ATP13A3: variants seen among roughly 807,000 people sequenced by gnomAD.
ATP13A3 encodes the protein polyamine-transporting ATPase 13A3.
In ATP13A3, 59 loss-of-function variants were observed where a neutral mutation model predicts 158.1. The observed-to-expected ratio is 0.37, with a 90% CI of 0.30 to 0.46. The LOEUF (loss-of-function observed/expected upper bound fraction) is 0.46, where lower values mean the gene tolerates loss of function less well. ATP13A3 is among the 20% of genes least tolerant of loss of function. ATP13A3 has a pLI of 1.00. For synonymous variants in ATP13A3, 491 were observed against 504.3 expected, an observed-to-expected ratio of 0.97 and a Z score of 0.35; for missense variants, 1,166 against 1,525.2, an observed-to-expected ratio of 0.76 and a Z score of 3.92.
chr3:194,409,471 T>G (rs573209251), intron 33 of ATP13A3, among the ~76,000 whole-genome samples: 2 of 152,256 alleles, frequency 1.3e-5, no homozygotes, highest in African/African-American at 4.8e-5. Context: ...ACAGGTAGTA[T>G]GATTCTAGTT....
At chr3:194,432,006 G>A in intron 21 of ATP13A3, 114 bp from the exon 22 acceptor site, 5 of 804,330 alleles carry the variant, frequency 6.2e-6, no homozygotes, top group Non-Finnish European at 8.7e-6. Flanking sequence ...GCAGAGTAAC[G>A]ATAATGTATG....
intron 2 of ATP13A3, among the ~76,000 whole-genome samples, chr3:194,485,380 AAAT>A (rs1720926868): frequency 6.6e-6 from 1 of 152,226 alleles, no homozygotes; most frequent in Non-Finnish European, 1.5e-5. Flanking sequence ...CCTCTAGAGA[AAAT>A]AATGTCACAT....
At position 194,453,848 on chromosome 3, in the gene ATP13A3, T is replaced by TA. The variant is rs928713847; in HGVS notation, c.766-71dup. The TA allele has an allele frequency of 4.4e-5, 51 of 1,168,952 alleles. No individual in the cohort carries two copies. In the African/African-American group the frequency reaches 5.0e-4, roughly 11 times the overall value. 72.4% of individuals were successfully genotyped at this position (1,168,952 alleles called of 1,614,324 possible). ...CTCCTCAGGAAAAAAGCCAGAGTGCTAAAAAAATAAGTTAATTCAATAAAT... is the reference window on the plus strand; with the variant it reads ...CTCCTCAGGAAAAAAGCCAGAGTGCTAAAAAAAATAAGTTAATTCAATAAAT... On this transcript the variant is annotated intron_variant, in intron 9 of 33. Transcript: ENST00000645319.
chr3:194,459,908 A>C lies in ATP13A3; in HGVS notation c.289T>G (p.Ser97Ala). Residue 97 changes from serine to alanine, a missense_variant, in exon 5 of 34, where the codon TCA (serine) becomes GCA (alanine). Physicochemically the swap from Ser to Ala is moderately conservative, Grantham distance 99. Coordinates refer to ENST00000645319, the MANE Select transcript of ATP13A3 (RefSeq NM_001367549.1). ...RVLSLETYPV[S>A]SPKSMSNKLS... ...TTATTAGACATAGATTTTGGACTTGAAACTGGGTAAGTTTCCAAAGAAAGA... is the reference window on the plus strand; with the variant it reads ...TTATTAGACATAGATTTTGGACTTGCAACTGGGTAAGTTTCCAAAGAAAGA... 1 of 1,613,510 alleles carries C rather than the reference A, an allele frequency of 6.2e-7. No homozygotes were observed. The highest frequency in any genetic ancestry group is 8.5e-7 in the Non-Finnish European group (1 of 1,179,666).
At chr3:194,483,122 AT>A (rs1553809629) in intron 2 of ATP13A3, among the ~76,000 whole-genome samples, 5 of 149,826 alleles carry the variant, frequency 3.3e-5, no homozygotes, top group Middle Eastern at 3.4e-3. Flanking sequence ...AAAAAAAAAA[AT>A]TTTTTTTTAA....
chr3:194,453,638 G>T, intron 10 of ATP13A3, 68 bp downstream of exon 10: 1 of 1,242,842 alleles, frequency 8.0e-7, no homozygotes, highest in Non-Finnish European at 1.2e-6. Context: ...TATACTTTGG[G>T]CTTACTTCAC....
chr3:194,427,721 C>T (rs978421226), intron 28 of ATP13A3, among the ~76,000 whole-genome samples: 2 of 151,092 alleles, frequency 1.3e-5, no homozygotes, highest in African/African-American at 4.8e-5. Flanking sequence ...AATATAAACA[C>T]AATAACTATA....
intron 2 of ATP13A3, among the ~76,000 whole-genome samples, chr3:194,483,521 T>G (rs1977783): frequency 0.028 from 4,240 of 151,552 alleles, 127 homozygotes; most frequent in African/African-American, 0.076. Context: ...GCCCAGAAGG[T>G]CAAGGCTGCA....
At chr3:194,453,815 T>C in intron 9 of ATP13A3, 37 bp from the exon 10 acceptor site, 1 of 1,529,722 alleles carries the variant, frequency 6.5e-7, no homozygotes, top group South Asian at 1.1e-5. Flanking sequence ...CTAGCCAATA[T>C]GAACCCACTC....
At position 194,404,697 on chromosome 3, in the gene ATP13A3, C is replaced by T. The variant is rs1577015236; in HGVS notation, c.*1222G>A. ...AAACAGAAAGGTGAAAAATGTTTCTCCACATCTCTTTTGGCTCAATGAATG... is the reference window on the plus strand; with the variant it reads ...AAACAGAAAGGTGAAAAATGTTTCTTCACATCTCTTTTGGCTCAATGAATG... On this transcript the variant is annotated 3_prime_UTR_variant, in exon 34 of 34. Coordinates refer to ENST00000645319, the MANE Select transcript of ATP13A3 (RefSeq NM_001367549.1). 1 of 152,282 alleles carries T rather than the reference C, an allele frequency of 6.6e-6. No homozygotes were observed. Among genetic ancestry groups the T allele is most frequent in the South Asian group, 2.1e-4 (1 of 4,824 alleles). 9.4% of individuals were successfully genotyped at this position (152,282 alleles called of 1,614,324 possible).
upstream of ATP13A3, chr3:194,487,739 C>G (rs1435649843): frequency 6.6e-6 from 1 of 152,282 alleles, no homozygotes; most frequent in African/African-American, 2.4e-5. Context: ...GCGCAGGGAG[C>G]GCGCCCGGCC....
chr3:194,412,147 G>T, intron 33 of ATP13A3, 52 bp downstream of exon 33: 1 of 1,370,534 alleles, frequency 7.3e-7, no homozygotes, highest in Non-Finnish European at 1.0e-6. Context: ...GAGTACACAA[G>T]CAGAGAGCCT....
intron 18 of ATP13A3, 26 bp downstream of exon 18, chr3:194,437,530 G>A (rs1560088772): frequency 6.2e-6 from 10 of 1,611,364 alleles, no homozygotes; most frequent in Non-Finnish European, 8.5e-6. Context: ...AATATACTTA[G>A]TAAGAAGTAA....
At chr3:194,461,068 CT>C (rs1407987990) in intron 3 of ATP13A3, among the ~76,000 whole-genome samples, 1 of 152,012 alleles carries the variant, frequency 6.6e-6, no homozygotes, top group Non-Finnish European at 1.5e-5. Context: ...TAATTTATGC[CT>C]AATACGTTCT....
intron 33 of ATP13A3, among the ~76,000 whole-genome samples, chr3:194,409,437 C>T (rs934155120): frequency 1.3e-5 from 2 of 152,128 alleles, no homozygotes; most frequent in Non-Finnish European, 2.9e-5. Context: ...AAATTGGGCA[C>T]AAATCCTCAG....
intron 32 of ATP13A3, chr3:194,412,517 T>G: frequency 2.0e-6 from 1 of 500,848 alleles, no homozygotes; most frequent in Non-Finnish European, 3.6e-6. Flanking sequence ...AAATTTTCCA[T>G]GAAATATGGC....
upstream of ATP13A3, among the ~76,000 whole-genome samples, chr3:194,489,519 C>T (rs995900552): frequency 1.3e-5 from 2 of 152,138 alleles, no homozygotes; most frequent in African/African-American, 4.8e-5. The surrounding 1 kb of genome is among the most constrained non-coding windows in gnomAD (Gnocchi z 4.1). Context: ...ATTCAGCCTT[C>T]AGAGTGAACT....
intron 6 of ATP13A3, among the ~76,000 whole-genome samples, chr3:194,458,284 T>C (rs149174545): frequency 0.021 from 3,171 of 152,222 alleles, 41 homozygotes; most frequent in Non-Finnish European, 0.032. Context: ...TGTTTGACAT[T>C]TCTTCCCACT....
At chr3:194,429,812 G>A in intron 26 of ATP13A3, 38 bp from the exon 27 acceptor site, 1 of 1,571,182 alleles carries the variant, frequency 6.4e-7, no homozygotes, top group South Asian at 1.1e-5. Flanking sequence ...ATGAATAGAA[G>A]CATTTTAAAC....
Sources: gnomAD v4.1 joint callset for allele counts (sites outside exome capture counted in the v4.1 genomes callset) on GRCh38, gnomAD v4.1.1 for gene constraint, Gnocchi (gnomAD v3.1) non-coding constraint, MANE v1.5 for transcripts, NCBI Gene and HGNC (gene_info 2026-07-23, HGNC 2026-07-21) for gene names.